Variants in SLC2A14 observed in about 807,000 individuals in gnomAD.
SLC2A14 encodes solute carrier family 2, facilitated glucose transporter member 14.
Under a neutral mutation model 43.0 loss-of-function variants are expected in SLC2A14, and 13 were observed. The observed-to-expected ratio is 0.30, with a 90% CI of 0.20 to 0.48. SLC2A14 has a LOEUF of 0.48. SLC2A14 is among the 20% of genes least tolerant of loss of function. SLC2A14 has a pLI of 0.99. For synonymous variants in SLC2A14, 190 were observed against 233.8 expected (o/e 0.81, Z 1.71); for missense variants, 428 against 620.4 (o/e 0.69, Z 3.29).
chr12:7,855,498 T>C (rs533161727), intron 2 of SLC2A14, among the ~76,000 whole-genome samples: 144 of 152,176 alleles, frequency 9.5e-4, no homozygotes, highest in Non-Finnish European at 1.7e-3. Context: ...ATCAGCAAAG[T>C]TGGGAGCTTA....
Position 7,862,411 on chromosome 12 carries a change from C to T in SLC2A14, c.18+7452G>A, listed in dbSNP as rs190144373. On this transcript the variant is annotated intron_variant, in intron 2 of 10. Coordinates refer to ENST00000431042, the MANE Select transcript of SLC2A14 (RefSeq NM_001286234.2). ...CGCTCGATTTCTCGCCGGGCCTTAG[C>T]TGCCTTCCCACGGGGCAGGGCTCGG... Among the ~76,000 whole-genome samples the T allele has an allele frequency of 1.6e-3, 244 of 152,252 alleles. 2 individuals carry two copies. Among genetic ancestry groups the T allele is most frequent in the Non-Finnish European group, 2.3e-3 (157 of 67,996 alleles).
intron 2 of SLC2A14, among the ~76,000 whole-genome samples, chr12:7,859,475 G>A (rs767906039): frequency 2.0e-5 from 3 of 152,216 alleles, no homozygotes; most frequent in Admixed American, 6.5e-5. Flanking sequence ...GTTTTGCAAG[G>A]AGCCCATTTA....
intron 8 of SLC2A14, among the ~76,000 whole-genome samples, chr12:7,820,408 G>A (rs1465609512): frequency 6.6e-6 from 1 of 152,166 alleles, no homozygotes; most frequent in African/African-American, 2.4e-5. Flanking sequence ...AAAACAACCT[G>A]GAGCTTGTGA....
chr12:7,875,135 T>TTAAAATTAAATATATA (rs1945435025), upstream of SLC2A14, among the ~76,000 whole-genome samples: 1 of 109,450 alleles, frequency 9.1e-6, no homozygotes, highest in Non-Finnish European at 1.7e-5. Context: ...TTAAATATAT[T>TTAAAATTAAATATATA]TAAATATTAT....
intron 7 of SLC2A14, among the ~76,000 whole-genome samples, chr12:7,827,071 C>CTT (rs1427663421): frequency 2.5e-3 from 202 of 79,766 alleles, no homozygotes; most frequent in African/African-American, 7.8e-3. Context: ...CTTTCTCTCT[C>CTT]TCTCTTTCTT....
intron 7 of SLC2A14, among the ~76,000 whole-genome samples, chr12:7,822,965 G>A (rs1055132523): frequency 3.9e-5 from 6 of 152,214 alleles, no homozygotes; most frequent in Non-Finnish European, 8.8e-5. Context: ...AGCAGAGATT[G>A]GGCTGTATTT....
In SLC2A14 at chr12:7,832,773, G is replaced by A. The variant is rs770778898; in HGVS notation, c.60C>T (p.Ile20=). ...TGTTGTAGCCAAACTGGAAAGAGCC[G>A]ATTGTAGCAACTGTGATGGCAAAGA... ...ALIFAITVAT[I]GSFQFGYNTG... The change falls in exon 3 of 11, where the codon ATC becomes ATT. Residue 20 remains isoleucine (I), a synonymous_variant. Transcript: ENST00000431042. 75 of 1,614,180 alleles carry A rather than the reference G, an allele frequency of 4.6e-5. No homozygotes were observed. In the South Asian group the frequency reaches 7.0e-4, roughly 15 times the overall value.
chr12:7,852,480 G>GT (rs1162994648), intron 2 of SLC2A14, among the ~76,000 whole-genome samples: 1 of 152,112 alleles, frequency 6.6e-6, no homozygotes, highest in Non-Finnish European at 1.5e-5. Context: ...AATTATTTCA[G>GT]TAAGTTTAAA....
upstream of SLC2A14, among the ~76,000 whole-genome samples, chr12:7,875,563 A>G (rs1367704026): frequency 6.6e-6 from 1 of 151,990 alleles, no homozygotes; most frequent in African/African-American, 2.4e-5. Context: ...CTACCCCCTC[A>G]ATATTAACAT....
chr12:7,882,583 A>G (rs7294407), intron 1 of SLC2A14, among the ~76,000 whole-genome samples: 1 of 151,950 alleles, frequency 6.6e-6, no homozygotes, highest in Non-Finnish European at 1.5e-5. Flanking sequence ...TTGTGATCTC[A>G]GCACTCTGGG....
At chr12:7,879,478 T>A (rs1442293708) in intron 1 of SLC2A14, among the ~76,000 whole-genome samples, 1 of 151,918 alleles carries the variant, frequency 6.6e-6, no homozygotes. Context: ...GGTCAGGAGT[T>A]CAAGGCCAGC....
At chr12:7,889,517 G>C (rs1200899303) in intron 1 of SLC2A14, among the ~76,000 whole-genome samples, 1 of 150,056 alleles carries the variant, frequency 6.7e-6, no homozygotes, top group Non-Finnish European at 1.5e-5. Context: ...ACAGGCGTGA[G>C]CCACCGTGCC....
chr12:7,826,911 T>TTCTTTCTTTCTTTCTTTC (rs1555121889), intron 7 of SLC2A14, among the ~76,000 whole-genome samples: 1 of 126,380 alleles, frequency 7.9e-6, no homozygotes, highest in African/African-American at 2.9e-5. Flanking sequence ...CTTTCTTTCT[T>TTCTTTCTTTCTTTCTTTC]TCTTTTTCCT....
chr12:7,836,877 G>C (rs1865503919), intron 2 of SLC2A14, among the ~76,000 whole-genome samples: 1 of 151,386 alleles, frequency 6.6e-6, no homozygotes, highest in Non-Finnish European at 1.5e-5. Flanking sequence ...AAAATAAAAA[G>C]AAACATATTG....
At chr12:7,869,513 G>A (rs1221423845) in intron 2 of SLC2A14, among the ~76,000 whole-genome samples, 3 of 152,046 alleles carry the variant, frequency 2.0e-5, no homozygotes, top group Admixed American at 6.6e-5. Context: ...TACTCTTCAC[G>A]CGTATATAGC....
chr12:7,851,765 G>A (rs1022833550), intron 2 of SLC2A14, among the ~76,000 whole-genome samples: 1 of 152,118 alleles, frequency 6.6e-6, no homozygotes, highest in African/African-American at 2.4e-5. Context: ...ATCTCCATTA[G>A]ACATTGCTCC....
chr12:7,859,884 G>A (rs1429945623), intron 2 of SLC2A14, among the ~76,000 whole-genome samples: 1 of 152,132 alleles, frequency 6.6e-6, no homozygotes. Flanking sequence ...TCAAGAAGGG[G>A]ATCATGGGAA....
chr12:7,863,545 C>G, intron 2 of SLC2A14: 3 of 379,402 alleles, frequency 7.9e-6, no homozygotes, highest in Non-Finnish European at 1.6e-5. Flanking sequence ...GAGAATGAAC[C>G]CAGGACACAG....
At chr12:7,861,252 G>A (rs958803252) in intron 2 of SLC2A14, among the ~76,000 whole-genome samples, 1 of 152,004 alleles carries the variant, frequency 6.6e-6, no homozygotes, top group African/African-American at 2.4e-5. Context: ...CTTTTTTTTG[G>A]TGGGGGGGAG....
Sources: gnomAD v4.1 joint callset for allele counts (sites outside exome capture counted in the v4.1 genomes callset) on GRCh38, gnomAD v4.1.1 for gene constraint, MANE v1.5 for transcripts, NCBI Gene and HGNC (gene_info 2026-07-23, HGNC 2026-07-21) for gene names.